Variants in KCNK12 observed in about 807,000 individuals in gnomAD.
KCNK12 encodes the protein potassium channel subfamily K member 12.
A neutral mutation model predicts 25.3 loss-of-function variants in KCNK12; 6 were observed. That is an observed-to-expected ratio of 0.24 (90% confidence interval 0.13 to 0.47). The LOEUF (loss-of-function observed/expected upper bound fraction) is 0.47, where lower values mean the gene tolerates loss of function less well. Ranked by LOEUF, KCNK12 falls within the 20% of genes least tolerant of loss-of-function variation. The pLI is 0.99. For missense variants in KCNK12, 444 were observed against 661.7 expected (o/e 0.67, Z 3.61); for synonymous variants, 331 against 311.1 (o/e 1.06, Z -0.67).
chr2:47,528,523 C>T lies in KCNK12; in HGVS notation c.392-6715G>A, dbSNP rs1668840452. Among the ~76,000 whole-genome samples, 1 of 152,326 alleles carries T rather than the reference C, an allele frequency of 6.6e-6. No homozygotes were observed. The highest frequency in any genetic ancestry group is 3.4e-3 in the Middle Eastern group (1 of 294). Reference sequence around the variant, plus strand: ...CTCTTGCAATTTGTGGGGAGCCAAGCTGCTCTGGAGAGGGGCCTCAAAGCT... The same window carrying T: ...CTCTTGCAATTTGTGGGGAGCCAAGTTGCTCTGGAGAGGGGCCTCAAAGCT... On this transcript the variant is annotated intron_variant, in intron 1 of 1. Coordinates refer to ENST00000327876, the MANE Select transcript of KCNK12 (RefSeq NM_022055.2). This position sits in a 1 kb window ranked among gnomAD's most constrained non-coding sequence, Gnocchi z 4.5.
At chr2:47,534,680 AC>A (rs2104788123) in intron 1 of KCNK12, among the ~76,000 whole-genome samples, 1 of 151,506 alleles carries the variant, frequency 6.6e-6, no homozygotes, top group African/African-American at 2.4e-5. Context: ...CTGCCCACCT[AC>A]CCCGTCCCTC....
chr2:47,570,286 G>A lies in KCNK12; in HGVS notation c.46C>T (p.Arg16Cys). 1.4e-6 allele frequency: 2 copies of A among 1,388,280 alleles called. No individual in the cohort carries two copies. Among genetic ancestry groups the A allele is most frequent in the Non-Finnish European group, 1.9e-6 (2 of 1,072,962 alleles). The allele number at this position is 1,388,280 out of a possible 1,614,324, so 86.0% of individuals were successfully genotyped here. The part of the protein sequence containing the change: ...PRPPPRRSRR[R>C]LPRPSCCCCC... Reference sequence around the variant, plus strand: ...CAGCAGCAGGAGGGGCGCGGCAGGCGGCGGCGGCTACGGCGGGGCGGGGGC... The same window carrying A: ...CAGCAGCAGGAGGGGCGCGGCAGGCAGCGGCGGCTACGGCGGGGCGGGGGC... The change falls in exon 1 of 2, where the codon CGC becomes TGC. Residue 16 changes from arginine to cysteine, a missense_variant. By Grantham distance (180) the Arg-to-Cys change is radical. Around this residue, in one of 8 missense-constraint regions of KCNK12, gnomAD observed 67 missense variants for 59.2 expected, o/e 1.13. Transcript: ENST00000327876.
At chr2:47,524,752 T>G (rs1344569210) in intron 1 of KCNK12, among the ~76,000 whole-genome samples, 2 of 152,166 alleles carry the variant, frequency 1.3e-5, no homozygotes, top group Non-Finnish European at 2.9e-5. Flanking sequence ...TTTGTACTCA[T>G]AGTGAGAAAA....
In KCNK12 at chr2:47,525,768, A is replaced by C. The variant is rs1668756400; in HGVS notation, c.392-3960T>G. On this transcript the variant is annotated intron_variant, in intron 1 of 1. Coordinates refer to ENST00000327876, the MANE Select transcript of KCNK12 (RefSeq NM_022055.2). The surrounding 1 kb of genome is among the most constrained non-coding windows in gnomAD (Gnocchi z 4.1). ...GAGGGAGTCACAGGAGGAGGGATGG[A>C]GAGGGCAGTGCCCACTCAGGGAATG... Among the ~76,000 whole-genome samples the C allele has an allele frequency of 1.3e-5, 2 of 152,158 alleles. No individual in the cohort carries two copies. Among genetic ancestry groups the C allele is most frequent in the Non-Finnish European group, 2.9e-5 (2 of 68,006 alleles).
chr2:47,564,083 G>A (rs1046577976), intron 1 of KCNK12: 3 of 231,488 alleles, frequency 1.3e-5, no homozygotes, highest in Non-Finnish European at 2.6e-5. Flanking sequence ...TTAAAACAAG[G>A]GAGGTTGAAG....
rs36101631 is a variant in KCNK12, at chr2:47,529,717, TG to T, written c.392-7910del. 1.3e-5 allele frequency among the ~76,000 whole-genome samples: 2 copies of T among 152,080 alleles called. No individual in the cohort carries two copies. Among genetic ancestry groups the T allele is most frequent in the African/African-American group, 4.8e-5 (2 of 41,418 alleles). ...CATTTTCATGACTACAGAGAAACCA[TG>T]GGAAGGCTGAGGCGTGGACTCAGTG... On this transcript the variant is annotated intron_variant, in intron 1 of 1. Transcript: ENST00000327876. The surrounding 1 kb of genome is among the most constrained non-coding windows in gnomAD (Gnocchi z 4.3).
chr2:47,513,342 A>C lies in KCNK12; in HGVS notation c.*7565T>G, dbSNP rs1668449169. On this transcript the variant is annotated 3_prime_UTR_variant, in exon 2 of 2. Transcript: ENST00000327876. ...GTTTTCTTCAGTCCTTGTCTTAATC[A>C]CTCAGTGGCACTTGGCACTTATTCC... is the stretch of plus-strand genomic sequence containing the variant. 1.3e-5 allele frequency: 2 copies of C among 151,898 alleles called. No homozygotes were observed. The highest frequency in any genetic ancestry group is 6.6e-5 in the Admixed American group (1 of 15,240). The allele number at this position is 151,898 out of a possible 1,614,324, so 9.4% of individuals were successfully genotyped here.
intron 1 of KCNK12, among the ~76,000 whole-genome samples, chr2:47,553,114 T>C (rs989603794): frequency 6.6e-6 from 1 of 152,242 alleles, no homozygotes; most frequent in Non-Finnish European, 1.5e-5. Flanking sequence ...TCTCAGGCTA[T>C]GCAAGGGTCC....
At chr2:47,564,390 T>C (rs1473346229) in intron 1 of KCNK12, 1 of 226,586 alleles carries the variant, frequency 4.4e-6, no homozygotes, top group Non-Finnish European at 8.8e-6. Context: ...CCATCTTGCG[T>C]AAAGATGATC....
rs56246078 is a variant in KCNK12, at chr2:47,547,394, T to A, written c.391+22547A>T. ...GCATCAAGGCTTAAAAACTCCCAGG[T>A]AATTTTAATATGCAGCCAGGGTTGA... On this transcript the variant is annotated intron_variant, in intron 1 of 1. Transcript: ENST00000327876. The surrounding 1 kb of genome is among the most constrained non-coding windows in gnomAD (Gnocchi z 5.0). 6.6e-6 allele frequency among the ~76,000 whole-genome samples: 1 copy of A among 152,296 alleles called. No individual in the cohort carries two copies. The highest frequency in any genetic ancestry group is 1.5e-5 in the Non-Finnish European group (1 of 68,022).
chr2:47,544,473 A>G (rs1220688216), intron 1 of KCNK12, among the ~76,000 whole-genome samples: 1 of 152,208 alleles, frequency 6.6e-6, no homozygotes. Flanking sequence ...GATGGCTAAC[A>G]CCATTGTTCG....
Position 47,560,213 on chromosome 2 carries a change from C to T in KCNK12, c.391+9728G>A, listed in dbSNP as rs1476496368. 6.6e-6 allele frequency among the ~76,000 whole-genome samples: 1 copy of T among 152,210 alleles called. No individual in the cohort carries two copies. Among genetic ancestry groups the T allele is most frequent in the African/African-American group, 2.4e-5 (1 of 41,448 alleles). ...TTTCCAGTGCAAGGCTGAGGGTTCT[C>T]AGGTCTGGGCGGGAGCTCGGTCCTC... On this transcript the variant is annotated intron_variant, in intron 1 of 1. Coordinates refer to ENST00000327876, the MANE Select transcript of KCNK12 (RefSeq NM_022055.2). The surrounding 1 kb of genome is among the most constrained non-coding windows in gnomAD (Gnocchi z 4.7).
chr2:47,521,193 G>T lies in KCNK12; in HGVS notation c.1007C>A (p.Thr336Asn). The T allele has an allele frequency of 6.7e-7, 1 of 1,501,298 alleles. No individual in the cohort carries two copies. The allele number at this position is 1,501,298 out of a possible 1,614,324, so 93.0% of individuals were successfully genotyped here. A position where few individuals can be genotyped will look rare whatever the true frequency, so the allele number is the denominator to read the frequency against. The stretch of plus-strand genomic sequence containing the variant: ...GCGGCGGCGCAGCCGGGAGCCTGGG[G>T]TGATGGCATTGCGCCGGGCCAGGGG... ...GAPLARRNAI[T>N]PGSRLRRRLA... Residue 336 changes from threonine (T) to asparagine (N), a missense_variant, in exon 2 of 2, where the codon ACC (threonine) becomes AAC (asparagine). Coordinates refer to ENST00000327876, the MANE Select transcript of KCNK12 (RefSeq NM_022055.2).
rs538695354 is a variant in KCNK12 at position 47,562,938 on chromosome 2, C to A, written c.391+7003G>T. 2.9e-4 allele frequency: 67 copies of A among 233,532 alleles called. 2 individuals are homozygous for A. In the South Asian group the frequency reaches 0.011, roughly 37 times the overall value. The allele number at this position is 233,532 out of a possible 1,614,324, so 14.5% of individuals were successfully genotyped here. A position where few individuals can be genotyped will look rare whatever the true frequency, so the allele number is the denominator to read the frequency against. On this transcript the variant is annotated intron_variant, in intron 1 of 1. Coordinates refer to ENST00000327876, the MANE Select transcript of KCNK12 (RefSeq NM_022055.2). The surrounding 1 kb of genome is among the most constrained non-coding windows in gnomAD (Gnocchi z 4.8). Reference sequence around the variant, plus strand: ...GGCTGGTGGCCCCATGCAGAGCCCCCGACCCCGGAAAGTCAGTGGAACTGG... The same window carrying A: ...GGCTGGTGGCCCCATGCAGAGCCCCAGACCCCGGAAAGTCAGTGGAACTGG...
At chr2:47,539,438 A>T (rs1006414755) in intron 1 of KCNK12, among the ~76,000 whole-genome samples, 1 of 152,166 alleles carries the variant, frequency 6.6e-6, no homozygotes, top group Non-Finnish European at 1.5e-5. Flanking sequence ...GAGTTCAGCG[A>T]GTCTAGTTCA....
rs1305082002 is a variant in KCNK12 at position 47,556,049 on chromosome 2, C to T, written c.391+13892G>A. 1 of 152,152 alleles carries T rather than the reference C, an allele frequency of 6.6e-6. No homozygotes were observed. The highest frequency in any genetic ancestry group is 1.5e-5 in the Non-Finnish European group (1 of 68,038). The allele number at this position is 152,152 out of a possible 1,614,324, so 9.4% of individuals were successfully genotyped here. On this transcript the variant is annotated intron_variant, in intron 1 of 1. Coordinates refer to ENST00000327876, the MANE Select transcript of KCNK12 (RefSeq NM_022055.2). This position sits in a 1 kb window ranked among gnomAD's most constrained non-coding sequence, Gnocchi z 4.8. ...GCTGGACTCCTGATTGAGGTGGATC[C>T]AGGGGAGAAGGGCAGGTGAGGGAGA...
chr2:47,564,759 A>T (rs1429958403), intron 1 of KCNK12: 4 of 168,168 alleles, frequency 2.4e-5, no homozygotes, highest in Non-Finnish European at 3.9e-5. Flanking sequence ...AGGATGGAGC[A>T]GTGAATGGTA....
chr2:47,544,538 A>G (rs13000537), intron 1 of KCNK12, among the ~76,000 whole-genome samples: 22,212 of 152,216 alleles, frequency 0.15, 1,683 homozygotes, highest in East Asian at 0.18. Context: ...TAACTCATAG[A>G]TTGCAAAAGC....
chr2:47,549,603 G>GA (rs973395396), intron 1 of KCNK12, among the ~76,000 whole-genome samples: 1 of 152,108 alleles, frequency 6.6e-6, no homozygotes, highest in Non-Finnish European at 1.5e-5. Context: ...AGAAAAATGG[G>GA]AAAAATTTTT....
Sources: gnomAD v4.1 joint callset for allele counts (sites outside exome capture counted in the v4.1 genomes callset) on GRCh38, gnomAD v4.1.1 for gene constraint, gnomAD v4.1.1 regional missense constraint, Gnocchi (gnomAD v3.1) non-coding constraint, MANE v1.5 for transcripts, NCBI Gene and HGNC (gene_info 2026-07-23, HGNC 2026-07-21) for gene names.